Variants in GRID2 observed in about 807,000 individuals in gnomAD.
GRID2 encodes glutamate ionotropic receptor delta type subunit 2.
GRID2 carries 33 observed loss-of-function variants against 114.8 expected under a neutral mutation model. The ratio of observed to expected loss-of-function variants is 0.29; its 90% confidence interval spans 0.22 to 0.38. The LOEUF is 0.38. GRID2 is among the 10% of genes least tolerant of loss of function. The pLI is 1.00. For synonymous variants in GRID2, 505 were observed against 449.9 expected (o/e 1.12, Z -1.55); for missense variants, 1,184 against 1,257.7 (o/e 0.94, Z 0.89).
chr4:92,366,422 A>C (rs113964884), intron 1 of GRID2, among the ~76,000 whole-genome samples: 12 of 151,990 alleles, frequency 7.9e-5, no homozygotes, highest in African/African-American at 2.7e-4. Flanking sequence ...AATAGTATAC[A>C]TTTAACAGGG....
intron 1 of GRID2, among the ~76,000 whole-genome samples, chr4:92,372,881 GAAC>G (rs879648740): frequency 6.6e-6 from 1 of 151,990 alleles, no homozygotes; most frequent in Non-Finnish European, 1.5e-5. Context: ...TTATTAATAA[GAAC>G]ATCTGATTCC....
chr4:92,977,820 C>G (rs1374612694), intron 2 of GRID2, among the ~76,000 whole-genome samples: 4 of 152,040 alleles, frequency 2.6e-5, no homozygotes, highest in Admixed American at 1.3e-4. Flanking sequence ...TATTTCTAGT[C>G]TGAGCAATTA....
At chr4:92,855,450 T>C (rs1744107720) in intron 2 of GRID2, among the ~76,000 whole-genome samples, 1 of 152,140 alleles carries the variant, frequency 6.6e-6, no homozygotes, top group African/African-American at 2.4e-5. Context: ...TTCAATCACT[T>C]TAGATGACCA....
intron 2 of GRID2, among the ~76,000 whole-genome samples, chr4:92,922,826 A>G (rs2149508968): frequency 6.6e-6 from 1 of 152,328 alleles, no homozygotes; most frequent in Middle Eastern, 3.4e-3. Flanking sequence ...GATTTCATTC[A>G]AAACATCAGA....
intron 2 of GRID2, among the ~76,000 whole-genome samples, chr4:92,734,917 T>C (rs1370501225): frequency 6.6e-6 from 1 of 151,472 alleles, no homozygotes; most frequent in Non-Finnish European, 1.5e-5. Flanking sequence ...TAGCTGGGAG[T>C]ACAGGCATGT....
chr4:93,481,098 A>G (rs191516117), intron 11 of GRID2, among the ~76,000 whole-genome samples: 69 of 152,164 alleles, frequency 4.5e-4, no homozygotes, highest in Non-Finnish European at 7.2e-4. Context: ...TTAATGTCAT[A>G]CTATTTGGTG....
chr4:92,900,833 CAAAAAAAA>C (rs34089162), intron 2 of GRID2, among the ~76,000 whole-genome samples: 2 of 72,332 alleles, frequency 2.8e-5, no homozygotes, highest in Non-Finnish European at 5.2e-5. Context: ...GACTTCGTCT[CAAAAAAAA>C]AAAAAAAAAA....
At chr4:92,602,094 C>T (rs754109073) in intron 2 of GRID2, among the ~76,000 whole-genome samples, 1 of 151,552 alleles carries the variant, frequency 6.6e-6, no homozygotes, top group Non-Finnish European at 1.5e-5. Flanking sequence ...CAAAGAGGAG[C>T]TGATAGCATT....
In GRID2 at chr4:93,453,324, G is replaced by A. The variant is rs1722881969; in HGVS notation, c.1546-2338G>A. On this transcript the variant is annotated intron_variant, in intron 10 of 15. Transcript: ENST00000282020. ...AAAACTCAGAGATGGGAAAGAGAGA[G>A]AGAGAGAGAGAGAGAGAGAGAGAGA... 1.5e-4 allele frequency among the ~76,000 whole-genome samples: 7 copies of A among 47,566 alleles called. No individual in the cohort carries two copies. In the South Asian group the frequency reaches 3.7e-3, roughly 25 times the overall value. 31.2% of individuals were successfully genotyped at this position (47,566 alleles called of 152,430 possible). A position where few individuals can be genotyped will look rare whatever the true frequency, so the allele number is the denominator to read the frequency against.
chr4:93,625,918 AAAAAC>A (rs70942980), intron 13 of GRID2, among the ~76,000 whole-genome samples: 5 of 143,120 alleles, frequency 3.5e-5, no homozygotes, highest in South Asian at 2.1e-4. Context: ...CCGTCTCAGA[AAAAAC>A]AAAACAAAAC....
chr4:93,335,564 T>C (rs1758971261), intron 8 of GRID2, among the ~76,000 whole-genome samples: 1 of 152,188 alleles, frequency 6.6e-6, no homozygotes, highest in Non-Finnish European at 1.5e-5. Flanking sequence ...GTAACAACAA[T>C]AACAACTAAA....
chr4:93,061,616 A>G (rs1397422181), intron 2 of GRID2, among the ~76,000 whole-genome samples: 1 of 152,176 alleles, frequency 6.6e-6, no homozygotes, highest in Non-Finnish European at 1.5e-5. Flanking sequence ...AAAGCAGACT[A>G]GCAACTCACA....
chr4:93,448,907 T>TCCCTTCCCTTC lies in GRID2; in HGVS notation c.1546-6735_1546-6725dup, dbSNP rs781393552. On this transcript the variant is annotated intron_variant, in intron 10 of 15. Coordinates refer to ENST00000282020, the MANE Select transcript of GRID2 (RefSeq NM_001510.4). ...CCCTTCCCTTCCCTTCCCCTTCCCT[T>TCCCTTCCCTTC]CCCTTCCCTTCCCCTTCCCTTCCCC... 4.0e-3 allele frequency among the ~76,000 whole-genome samples: 47 copies of TCCCTTCCCTTC among 11,868 alleles called. 3 individuals are homozygous for TCCCTTCCCTTC. The highest frequency in any genetic ancestry group is 0.031 in the African/African-American group (44 of 1,436). 7.8% of individuals were successfully genotyped at this position (11,868 alleles called of 152,430 possible).
intron 2 of GRID2, among the ~76,000 whole-genome samples, chr4:92,625,459 C>A (rs1270495484): frequency 2.0e-5 from 3 of 151,598 alleles, no homozygotes; most frequent in East Asian, 1.9e-4. Context: ...CAGACTATTG[C>A]CTCTAAGTAA....
At position 93,019,937 on chromosome 4, in the gene GRID2, G is replaced by A. The variant is rs1424106062; in HGVS notation, c.245-65058G>A. Among the ~76,000 whole-genome samples the A allele has an allele frequency of 3.3e-5, 5 of 152,204 alleles. No individual in the cohort carries two copies. In the Middle Eastern group the frequency reaches 0.01, roughly 311 times the overall value. ...ATACTTTAAAGAATAGTAAATGATA[G>A]CATAGAGGTAAGAGAATGCATTGTG... is the stretch of plus-strand genomic sequence containing the variant. On this transcript the variant is annotated intron_variant, in intron 2 of 15. Transcript: ENST00000282020.
At chr4:93,392,012 A>G (rs1471840453) in intron 8 of GRID2, among the ~76,000 whole-genome samples, 3 of 152,158 alleles carry the variant, frequency 2.0e-5, no homozygotes, top group Non-Finnish European at 4.4e-5. Flanking sequence ...ACTGTAATTG[A>G]AAGGAAATTG....
At chr4:93,166,624 A>G (rs2149415698) in intron 4 of GRID2, among the ~76,000 whole-genome samples, 1 of 152,306 alleles carries the variant, frequency 6.6e-6, no homozygotes, top group Non-Finnish European at 1.5e-5. Flanking sequence ...TTCAGAATTT[A>G]ACAATCACTG....
chr4:92,816,460 T>G (rs1330187687), intron 2 of GRID2, among the ~76,000 whole-genome samples: 1 of 152,136 alleles, frequency 6.6e-6, no homozygotes, highest in Non-Finnish European at 1.5e-5. Flanking sequence ...GCATGTTTCC[T>G]TGTTTTCAGG....
chr4:93,711,946 T>C (rs140859104), intron 14 of GRID2, among the ~76,000 whole-genome samples: 5 of 152,326 alleles, frequency 3.3e-5, no homozygotes, highest in African/African-American at 1.2e-4. Context: ...GTGGGGACAG[T>C]TGCTGGAAGG....
Sources: allele counts gnomAD v4.1 joint callset (sites outside exome capture counted in the v4.1 genomes callset), GRCh38; gene constraint gnomAD v4.1.1; transcripts MANE v1.5; gene names NCBI Gene and HGNC (gene_info 2026-07-23, HGNC 2026-07-21).